The following DHX36 variants were observed in gnomAD, a reference collection of about 807,000 sequenced individuals.
The protein encoded by DHX36 is ATP-dependent DNA/RNA helicase DHX36.
A neutral mutation model predicts 139.0 loss-of-function variants in DHX36; 50 were observed. The ratio of observed to expected loss-of-function variants is 0.36; its 90% CI spans 0.29 to 0.46. The LOEUF (loss-of-function observed/expected upper bound fraction) is 0.46. DHX36 is among the 20% of genes least tolerant of loss of function. The pLI, the probability that DHX36 is intolerant of heterozygous loss-of-function variation, is 1.00. For synonymous variants in DHX36, 425 were observed against 401.9 expected (o/e 1.06, Z -0.69); for missense variants, 1,024 against 1,211.3 (o/e 0.85, Z 2.29).
chr3:154,295,072 A>C (rs1483166444), intron 13 of DHX36, among the ~76,000 whole-genome samples: 1 of 152,202 alleles, frequency 6.6e-6, no homozygotes, highest in African/African-American at 2.4e-5. Flanking sequence ...AGACAAAACT[A>C]ATCTGATTTG....
In DHX36 at chr3:154,301,205, T is replaced by G. The variant is rs1438892306; in HGVS notation, c.1218-78A>C. On this transcript the variant is annotated intron_variant, in intron 9 of 24. Coordinates refer to ENST00000496811, the MANE Select transcript of DHX36 (RefSeq NM_020865.3). ...GCTAAAATCTGTGACATTTTATATT[T>G]AGGATTTTCAAAAAGGATTCCAAAG... 9 of 1,393,370 alleles carry G rather than the reference T, an allele frequency of 6.5e-6. No homozygotes were observed. In the East Asian group the frequency reaches 2.1e-4, roughly 33 times the overall value. 86.3% of individuals were successfully genotyped at this position (1,393,370 alleles called of 1,614,324 possible). A position where few individuals can be genotyped will look rare whatever the true frequency, so the allele number is the denominator to read the frequency against.
At chr3:154,320,619 T>G (rs1404140965) in intron 1 of DHX36, among the ~76,000 whole-genome samples, 1 of 152,194 alleles carries the variant, frequency 6.6e-6, no homozygotes, top group Non-Finnish European at 1.5e-5. Flanking sequence ...ACTCATAGTG[T>G]CCATAGCTGA....
chr3:154,289,771 C>G lies in DHX36; in HGVS notation c.1870G>C (p.Asp624His), dbSNP rs1396372358. ...LYNGLRASLL[D>H]DYQLPEILRT... is the part of the protein sequence containing the mutation. ...AAAATTTCTGGCAGTTGATAGTCAT[C>G]TAGAAGACTTGCTCTAAGACCATTA... Residue 624 changes from aspartate (D) to histidine (H), a missense_variant, in exon 16 of 25, where the codon GAT (aspartate) becomes CAT (histidine). Asp to His is a moderately conservative substitution (Grantham distance 81). Coordinates refer to ENST00000496811, the MANE Select transcript of DHX36 (RefSeq NM_020865.3). 1 of 1,613,438 alleles carries G rather than the reference C, an allele frequency of 6.2e-7. No homozygotes were observed. The highest frequency in any genetic ancestry group is 1.7e-5 in the Admixed American group (1 of 59,978).
At position 154,276,729 on chromosome 3, in the gene DHX36, T is replaced by G. The variant is rs1446513810; in HGVS notation, c.2841+18A>C. On this transcript the variant is annotated intron_variant, in intron 24 of 24. Transcript: ENST00000496811. ...TGACTTACATGTAGATTTAAGATAA[T>G]CACATAAAGTCAGTCACCTTAACAA... The G allele has an allele frequency of 6.2e-7, 1 of 1,610,980 alleles. No homozygotes were observed. Among genetic ancestry groups the G allele is most frequent in the Non-Finnish European group, 8.5e-7 (1 of 1,178,418 alleles).
At chr3:154,307,693 A>G (rs1364455010) in intron 5 of DHX36, among the ~76,000 whole-genome samples, 1 of 152,140 alleles carries the variant, frequency 6.6e-6, no homozygotes, top group Non-Finnish European at 1.5e-5. Flanking sequence ...CAGCCTCTAT[A>G]GAAAACAGTA....
At chr3:154,292,459 C>T (rs1384191970) in intron 15 of DHX36, 92 bp downstream of exon 15, 2 of 1,521,666 alleles carry the variant, frequency 1.3e-6, no homozygotes, top group Non-Finnish European at 1.8e-6. Flanking sequence ...AAAGGTAACT[C>T]TTTTAATAAA....
intron 12 of DHX36, among the ~76,000 whole-genome samples, chr3:154,299,259 G>A (rs141783825): frequency 1.5e-4 from 23 of 152,232 alleles, no homozygotes; most frequent in African/African-American, 4.3e-4. Context: ...GCAACAGAGC[G>A]AGACTCCATC....
At chr3:154,315,927 A>G in intron 2 of DHX36, 112 bp downstream of exon 2, 2 of 1,288,734 alleles carry the variant, frequency 1.6e-6, no homozygotes, top group Non-Finnish European at 1.0e-6. Context: ...CTACATAAGG[A>G]AAAAAAGTAC....
intron 8 of DHX36, among the ~76,000 whole-genome samples, chr3:154,303,814 T>G (rs1490709342): frequency 6.6e-6 from 1 of 152,196 alleles, no homozygotes; most frequent in East Asian, 1.9e-4. Context: ...CACCCGGAAT[T>G]AGCGGAGAAA....
At chr3:154,277,802 G>T in intron 22 of DHX36, 84 bp from the exon 23 acceptor site, 1 of 1,282,696 alleles carries the variant, frequency 7.8e-7, no homozygotes, top group Non-Finnish European at 1.0e-6. Context: ...AAAACTGATA[G>T]AAGAGCTTGG....
At chr3:154,312,678 T>C (rs1177011438) in intron 3 of DHX36, among the ~76,000 whole-genome samples, 2 of 150,692 alleles carry the variant, frequency 1.3e-5, no homozygotes, top group African/African-American at 4.9e-5. Context: ...CCGTCTCTAC[T>C]AAAAATACAA....
chr3:154,283,080 A>G (rs535734129), intron 20 of DHX36, 108 bp downstream of exon 20: 5 of 765,184 alleles, frequency 6.5e-6, no homozygotes, highest in Non-Finnish European at 1.1e-5. Flanking sequence ...AAATATACTC[A>G]ATTTCCATAT....
At chr3:154,297,830 G>A (rs1487159877) in intron 12 of DHX36, among the ~76,000 whole-genome samples, 2 of 151,720 alleles carry the variant, frequency 1.3e-5, no homozygotes, top group Non-Finnish European at 2.9e-5. Flanking sequence ...ATATAATTGG[G>A]AAAAAAAATT....
Position 154,299,849 on chromosome 3 carries a change from ATTACT to A in DHX36, c.1533_1537del (p.Gln511HisfsTer3). 1 of 1,610,214 alleles carries A rather than the reference ATTACT, an allele frequency of 6.2e-7. No homozygotes were observed. ...CATTTACATAGTACCTGATTTAAAC[ATTACT>A]TGTGACATCAAGAGATCATGTAAAG... On this transcript the variant is annotated frameshift_variant, in exon 12 of 25. Transcript: ENST00000496811. LOFTEE classifies it high-confidence loss of function.
chr3:154,312,814 C>A (rs1391662192), intron 3 of DHX36, among the ~76,000 whole-genome samples: 17 of 114,424 alleles, frequency 1.5e-4, no homozygotes, highest in Non-Finnish European at 2.6e-4. Flanking sequence ...GGTGACAGAG[C>A]AAGACTCCAT....
intron 13 of DHX36, among the ~76,000 whole-genome samples, chr3:154,294,276 T>TG (rs1711941465): frequency 1.3e-5 from 2 of 149,428 alleles, no homozygotes; most frequent in Admixed American, 6.7e-5. Context: ...CAGATTGGAG[T>TG]GAAAAAAAAA....
intron 23 of DHX36, among the ~76,000 whole-genome samples, 155 bp downstream of exon 23, chr3:154,277,440 AAAG>A (rs1424737473): frequency 6.6e-6 from 1 of 152,196 alleles, no homozygotes; most frequent in Non-Finnish European, 1.5e-5. Context: ...CTGAAAATTA[AAAG>A]AATAGGTTAT....
chr3:154,313,496 A>T (rs1482020432), intron 3 of DHX36, among the ~76,000 whole-genome samples: 3 of 152,228 alleles, frequency 2.0e-5, no homozygotes, highest in Admixed American at 6.5e-5. Flanking sequence ...CCTGGGCAAC[A>T]AAGCAAAACC....
intron 12 of DHX36, among the ~76,000 whole-genome samples, chr3:154,297,603 C>T (rs1465198141): frequency 2.6e-5 from 4 of 151,288 alleles, no homozygotes; most frequent in African/African-American, 4.9e-5. Flanking sequence ...CCCAGCTACT[C>T]GGGAGGCTGA....
Sources: gnomAD v4.1 joint callset for allele counts (sites outside exome capture counted in the v4.1 genomes callset) on GRCh38, gnomAD v4.1.1 for gene constraint, MANE v1.5 for transcripts, NCBI Gene and HGNC (gene_info 2026-07-23, HGNC 2026-07-21) for gene names.